Variants in TAF8 observed in about 807,000 individuals in gnomAD.
TAF8 encodes the protein TATA-box binding protein associated factor 8, also known as transcription initiation factor TFIID subunit 8.
Under a neutral mutation model 36.5 loss-of-function variants are expected in TAF8, and 47 were observed. The ratio of observed to expected loss-of-function variants is 1.29; its 90% CI spans 1.02 to 1.64. The LOEUF is 1.64. Among genes scored for constraint, TAF8 ranks in the 40% most tolerant of loss-of-function variants. TAF8 has a pLI of 0.00. For synonymous variants in TAF8, 175 were observed against 159.5 expected (o/e 1.10, Z -0.73); for missense variants, 420 against 407.6 (o/e 1.03, Z -0.26).
At chr6:42,085,414 C>T (rs1251411926), downstream of TAF8, among the ~76,000 whole-genome samples, 1 of 152,172 alleles carries the variant, frequency 6.6e-6, no homozygotes, top group Non-Finnish European at 1.5e-5. Context: ...CTGCTATGGT[C>T]TGAATGTTTG....
At position 42,079,407 on chromosome 6, in the gene TAF8, T is replaced by C; in HGVS notation, c.*1862T>C. ...GGAAGATGCTGGGCATGCTGATAGC[T>C]TTTCTGGTCTCCTAAGGAAGAGTTT... On this transcript the variant is annotated 3_prime_UTR_variant, in exon 9 of 9. Transcript: ENST00000372977. 6 of 985,440 alleles carry C rather than the reference T, an allele frequency of 6.1e-6. No homozygotes were observed. The highest frequency in any genetic ancestry group is 7.2e-6 in the Non-Finnish European group (6 of 829,930). The allele number at this position is 985,440 out of a possible 1,614,324, so 61.0% of individuals were successfully genotyped here.
At chr6:42,087,079 C>T (rs1041878209), downstream of TAF8, 5 of 383,010 alleles carry the variant, frequency 1.3e-5, no homozygotes, top group Middle Eastern at 7.4e-4. Context: ...TCGCCTGAAG[C>T]CTTCCTCTGG....
Position 42,080,119 on chromosome 6 carries a change from T to G in TAF8, c.*2574T>G. Reference sequence around the variant, plus strand: ...TATGTGGCCTTCTCAGGGTTTGTGATTCAGTTCTTAGCGATTCTTGGCCTG... The same window carrying G: ...TATGTGGCCTTCTCAGGGTTTGTGAGTCAGTTCTTAGCGATTCTTGGCCTG... On this transcript the variant is annotated 3_prime_UTR_variant, in exon 9 of 9. Transcript: ENST00000372977. 1.0e-6 allele frequency: 1 copy of G among 985,430 alleles called. No individual in the cohort carries two copies. The allele number at this position is 985,430 out of a possible 1,614,324, so 61.0% of individuals were successfully genotyped here.
chr6:42,056,615 T>G (rs1469670040), intron 4 of TAF8, among the ~76,000 whole-genome samples: 2 of 152,192 alleles, frequency 1.3e-5, no homozygotes, highest in Admixed American at 1.3e-4. Context: ...TTTTCTTTCT[T>G]TTTTTGAGAT....
In TAF8 at chr6:42,068,614, T is replaced by C. The variant is rs1376699987; in HGVS notation, c.780+7T>C. On this transcript the variant is annotated splice_region_variant and intron_variant, in intron 7 of 8. Coordinates refer to ENST00000372977, the MANE Select transcript of TAF8 (RefSeq NM_138572.3). ...TGCTCTTCATATCAGCATGGTGGGTTCCACCTTCTGCCTACCTCAGAGTAT... is the reference window on the plus strand; with the variant it reads ...TGCTCTTCATATCAGCATGGTGGGTCCCACCTTCTGCCTACCTCAGAGTAT... The C allele has an allele frequency of 6.2e-7, 1 of 1,611,658 alleles. No individual in the cohort carries two copies. Among genetic ancestry groups the C allele is most frequent in the Non-Finnish European group, 8.5e-7 (1 of 1,179,936 alleles).
In TAF8 at chr6:42,069,084, T is replaced by C. The variant is rs147298061; in HGVS notation, c.780+477T>C. ...GGCCCTGAGGCAGGAGCTCCCCTGT[T>C]GTATTGAAGAACAGCAAGGACATCA... On this transcript the variant is annotated intron_variant, in intron 7 of 8. Transcript: ENST00000372977. 2.8e-3 allele frequency among the ~76,000 whole-genome samples: 419 copies of C among 152,126 alleles called. 1 individual carries two copies. The highest frequency in any genetic ancestry group is 9.5e-3 in the African/African-American group (396 of 41,490).
rs1042821285 is a variant in TAF8, at chr6:42,080,534, G to A, written c.*2989G>A. On this transcript the variant is annotated 3_prime_UTR_variant, in exon 9 of 9. Transcript: ENST00000372977. ...ATTACAGGCACCTACCACAATTCTC[G>A]GCTAATTTTTTTTGTATTTTTGGTA... 9.4e-5 allele frequency: 45 copies of A among 479,130 alleles called. No individual in the cohort carries two copies. The highest frequency in any genetic ancestry group is 1.2e-4 in the Non-Finnish European group (44 of 367,692). The allele number at this position is 479,130 out of a possible 1,614,324, so 29.7% of individuals were successfully genotyped here.
intron 1 of TAF8, 46 bp downstream of exon 1, chr6:42,050,632 C>T: frequency 1.3e-6 from 2 of 1,523,584 alleles, no homozygotes; most frequent in South Asian, 1.2e-5. Context: ...GTTTGGGTAT[C>T]CTGCAACTTT....
At chr6:42,074,276 T>TCTGAA (rs150299721) in intron 7 of TAF8, among the ~76,000 whole-genome samples, 29 of 152,254 alleles carry the variant, frequency 1.9e-4, no homozygotes, top group Admixed American at 5.2e-4. Flanking sequence ...GTGCCTGAAG[T>TCTGAA]CTGAACTGCC....
chr6:42,086,036 A>G (rs1766019991), downstream of TAF8, among the ~76,000 whole-genome samples: 1 of 152,108 alleles, frequency 6.6e-6, no homozygotes, highest in Non-Finnish European at 1.5e-5. Context: ...GGACACAGTG[A>G]GGAGACACTA....
chr6:42,078,554 C>A lies in TAF8; in HGVS notation c.*1009C>A. The A allele has an allele frequency of 1.0e-6, 1 of 985,518 alleles. No homozygotes were observed. The highest frequency in any genetic ancestry group is 1.2e-6 in the Non-Finnish European group (1 of 829,946). 61.0% of individuals were successfully genotyped at this position (985,518 alleles called of 1,614,324 possible). On this transcript the variant is annotated 3_prime_UTR_variant, in exon 9 of 9. Coordinates refer to ENST00000372977, the MANE Select transcript of TAF8 (RefSeq NM_138572.3). The stretch of plus-strand genomic sequence containing the variant: ...ACAGCACAGCTTTGTTTGGGGTGGG[C>A]AGGAGTCAGGAGTCTTGAGCAGATG...
downstream of TAF8, chr6:42,086,889 C>T: frequency 2.3e-6 from 2 of 872,420 alleles, no homozygotes; most frequent in Non-Finnish European, 1.8e-6. Flanking sequence ...ACCCCACAAG[C>T]TTGTCAGATC....
intron 7 of TAF8, among the ~76,000 whole-genome samples, chr6:42,068,963 C>T (rs1178445282): frequency 1.3e-5 from 2 of 151,814 alleles, no homozygotes; most frequent in Non-Finnish European, 2.9e-5. Flanking sequence ...GTAGAGTGAC[C>T]GAGAAGGGGG....
At chr6:42,076,717 C>G (rs1257947835) in intron 7 of TAF8, among the ~76,000 whole-genome samples, 1 of 152,156 alleles carries the variant, frequency 6.6e-6, no homozygotes, top group Non-Finnish European at 1.5e-5. Context: ...CCTGTATCTC[C>G]CAGTCATGCA....
At position 42,050,562 on chromosome 6, in the gene TAF8, A is replaced by G. The variant is rs1301908190; in HGVS notation, c.21A>G (p.Thr7=). The G allele has an allele frequency of 1.9e-6, 3 of 1,541,442 alleles. No homozygotes were observed. The highest frequency in any genetic ancestry group is 1.4e-5 in the African/African-American group (1 of 72,932). Reference sequence around the variant, plus strand: ...ACAAGATGGCCGACGCGGCGGCCACAGCTGGGGCCGGTGGCTCCGGAACGG... The same window carrying G: ...ACAAGATGGCCGACGCGGCGGCCACGGCTGGGGCCGGTGGCTCCGGAACGG... MADAAA[T]AGAGGSGTRS... Residue 7 remains threonine (T), a synonymous_variant, in exon 1 of 9, where the codon ACA becomes ACG. Transcript: ENST00000372977.
At chr6:42,075,661 C>T (rs934976493) in intron 7 of TAF8, among the ~76,000 whole-genome samples, 1 of 151,874 alleles carries the variant, frequency 6.6e-6, no homozygotes, top group Non-Finnish European at 1.5e-5. Flanking sequence ...TCAATGACTT[C>T]TTCCCCGTGG....
chr6:42,077,443 C>T, intron 8 of TAF8, 90 bp from the exon 9 acceptor site: 1 of 1,578,644 alleles, frequency 6.3e-7, no homozygotes, highest in Non-Finnish European at 8.6e-7. Context: ...AGTCTAGGGA[C>T]CAACCCTCAC....
At chr6:42,054,987 T>C (rs1290239826) in intron 2 of TAF8, among the ~76,000 whole-genome samples, 1 of 150,868 alleles carries the variant, frequency 6.6e-6, no homozygotes, top group Non-Finnish European at 1.5e-5. Flanking sequence ...TGGAGTGCAA[T>C]GGCACAATCT....
chr6:42,050,699 A>T, intron 1 of TAF8, 113 bp downstream of exon 1: 1 of 1,313,304 alleles, frequency 7.6e-7, no homozygotes, highest in South Asian at 1.5e-5. Context: ...ATGAGCTCCG[A>T]CTGGCGGAGG....
Sources: allele counts gnomAD v4.1 joint callset (sites outside exome capture counted in the v4.1 genomes callset), GRCh38; gene constraint gnomAD v4.1.1; transcripts MANE v1.5; gene names NCBI Gene and HGNC (gene_info 2026-07-23, HGNC 2026-07-21).